The following AGK variants were observed in gnomAD, a reference collection of about 807,000 sequenced individuals.
AGK encodes the protein acylglycerol kinase, mitochondrial.
AGK carries 52 observed loss-of-function variants against 66.4 expected under a neutral mutation model. The observed-to-expected ratio is 0.78, with a 90% CI of 0.63 to 0.99. The LOEUF is 0.99. Ranked by LOEUF, AGK falls within the 50% of genes least tolerant of loss-of-function variation. The pLI, the probability that AGK is intolerant of heterozygous loss-of-function variation, is 0.00. For missense variants in AGK, 451 were observed against 506.6 expected (o/e 0.89, Z 1.05); for synonymous variants, 182 against 181.1 (o/e 1.00, Z -0.04).
At position 141,611,276 on chromosome 7, in the gene AGK, A is replaced by T; in HGVS notation, c.379A>T (p.Thr127Ser). The T allele has an allele frequency of 6.2e-7, 1 of 1,612,050 alleles. No individual in the cohort carries two copies. The highest frequency in any genetic ancestry group is 2.2e-5 in the East Asian group (1 of 44,818). ...DVIIVAGGDG[T>S]LQEVVTGVLR... Reference sequence around the variant, plus strand: ...GATCATTGTTGCAGGAGGAGATGGGACACTGCAGGAGGTATGACTGTTTTT... The same window carrying T: ...GATCATTGTTGCAGGAGGAGATGGGTCACTGCAGGAGGTATGACTGTTTTT... Residue 127 changes from threonine to serine, a missense_variant, in exon 6 of 16, where the codon ACA becomes TCA. Physicochemically the swap from Thr to Ser is moderately conservative, Grantham distance 58. Transcript: ENST00000649286.
chr7:141,651,225 A>G (rs1034485844), intron 14 of AGK, among the ~76,000 whole-genome samples: 7 of 152,244 alleles, frequency 4.6e-5, no homozygotes, highest in Non-Finnish European at 8.8e-5. Context: ...GAGACTAACA[A>G]TCTAAGAATT....
At chr7:141,641,751 C>T (rs990895588) in intron 12 of AGK, 60 bp from the exon 13 acceptor site, 64 of 1,389,638 alleles carry the variant, frequency 4.6e-5, no homozygotes, top group African/African-American at 1.6e-4. Flanking sequence ...GCTAGCCGTC[C>T]GTGGTGGGTG....
chr7:141,624,433 C>T (rs1426475397), intron 9 of AGK, among the ~76,000 whole-genome samples: 1 of 152,114 alleles, frequency 6.6e-6, no homozygotes, highest in Non-Finnish European at 1.5e-5. Flanking sequence ...CTTCTGGAAA[C>T]GATTCACCAT....
chr7:141,602,173 T>TTGTGTGTGTGTGTGTGCG (rs1554400560), intron 5 of AGK, among the ~76,000 whole-genome samples: 2 of 125,314 alleles, frequency 1.6e-5, no homozygotes, highest in Non-Finnish European at 3.4e-5. Flanking sequence ...GGAGATTTTC[T>TTGTGTGTGTGTGTGTGCG]TGTGTGTGTG....
intron 2 of AGK, among the ~76,000 whole-genome samples, chr7:141,556,026 G>A (rs751376576): frequency 6.6e-6 from 1 of 152,170 alleles, no homozygotes; most frequent in East Asian, 1.9e-4. Context: ...TACATTTTAG[G>A]GAGATATGAC....
intron 1 of AGK, among the ~76,000 whole-genome samples, chr7:141,554,373 T>G (rs1026401592): frequency 3.9e-5 from 6 of 151,976 alleles, no homozygotes; most frequent in Non-Finnish European, 8.8e-5. Flanking sequence ...TTTGTTTAAT[T>G]GTATTGGTTT....
chr7:141,624,595 A>C (rs1295712717), intron 9 of AGK, among the ~76,000 whole-genome samples: 1 of 152,194 alleles, frequency 6.6e-6, no homozygotes, highest in African/African-American at 2.4e-5. Context: ...TGTAGTAGAA[A>C]TAACAAGAGA....
chr7:141,566,467 T>C (rs1310743266), intron 2 of AGK, among the ~76,000 whole-genome samples: 2 of 152,216 alleles, frequency 1.3e-5, no homozygotes, highest in African/African-American at 4.8e-5. Context: ...TGTCTGACCA[T>C]TAGGAATTCA....
intron 4 of AGK, among the ~76,000 whole-genome samples, chr7:141,600,212 A>AT (rs879791920): frequency 7.2e-5 from 11 of 151,808 alleles, no homozygotes; most frequent in Non-Finnish European, 1.0e-4. Context: ...AAAGTACTGG[A>AT]TTTTTTTTTC....
intron 8 of AGK, among the ~76,000 whole-genome samples, chr7:141,619,418 C>T (rs996368126): frequency 1.3e-4 from 19 of 151,822 alleles, no homozygotes; most frequent in African/African-American, 4.8e-5. Context: ...AATAAGGGCA[C>T]CAAAGCCATT....
At chr7:141,640,474 A>T (rs1797263620) in intron 11 of AGK, among the ~76,000 whole-genome samples, 1 of 152,176 alleles carries the variant, frequency 6.6e-6, no homozygotes, top group Admixed American at 6.6e-5. Flanking sequence ...ACTTGAGAAC[A>T]GGGAAGCATT....
chr7:141,610,783 T>A (rs1796568335), intron 5 of AGK, among the ~76,000 whole-genome samples: 1 of 152,202 alleles, frequency 6.6e-6, no homozygotes, highest in Admixed American at 6.5e-5. Context: ...AGAGTTGAGA[T>A]TTAATCCAGG....
intron 5 of AGK, among the ~76,000 whole-genome samples, chr7:141,609,704 G>C (rs561360549): frequency 8.5e-4 from 129 of 152,324 alleles, no homozygotes; most frequent in African/African-American, 3.0e-3. Flanking sequence ...CCTCCCTGGA[G>C]GTTAGGGGTG....
chr7:141,586,209 A>C (rs1795992061), intron 2 of AGK, among the ~76,000 whole-genome samples: 1 of 152,134 alleles, frequency 6.6e-6, no homozygotes, highest in South Asian at 2.1e-4. Flanking sequence ...CTACACACCC[A>C]CACACCCTGG....
Position 141,611,176 on chromosome 7 carries a change from G to A in AGK, c.298-19G>A, listed in dbSNP as rs1796579309. On this transcript the variant is annotated intron_variant, in intron 5 of 15. Coordinates refer to ENST00000649286, the MANE Select transcript of AGK (RefSeq NM_018238.4). The stretch of plus-strand genomic sequence containing the variant: ...GCTCTAGGTTGATAAACTCACCAAA[G>A]GCTTCCTTGGTATTTCAGACAGATT... 6.3e-7 allele frequency: 1 copy of A among 1,579,054 alleles called. No homozygotes were observed. Among genetic ancestry groups the A allele is most frequent in the African/African-American group, 1.4e-5 (1 of 74,036 alleles).
At chr7:141,625,811 A>T (rs1038773438) in intron 9 of AGK, among the ~76,000 whole-genome samples, 1 of 152,058 alleles carries the variant, frequency 6.6e-6, no homozygotes, top group Non-Finnish European at 1.5e-5. Context: ...TCATCTTGCA[A>T]TCTTAGCTCT....
chr7:141,566,301 TATA>T (rs1356376660), intron 2 of AGK, among the ~76,000 whole-genome samples: 1 of 152,260 alleles, frequency 6.6e-6, no homozygotes, highest in African/African-American at 2.4e-5. Flanking sequence ...TTTCTTCTGT[TATA>T]AGACTCTACA....
intron 14 of AGK, among the ~76,000 whole-genome samples, chr7:141,649,599 G>A (rs6950019): frequency 3.7e-4 from 56 of 152,314 alleles, no homozygotes; most frequent in African/African-American, 1.2e-3. Context: ...ATGACACAGC[G>A]TCAAGAACTT....
At chr7:141,621,861 AG>A in intron 9 of AGK, 60 bp downstream of exon 9, 1 of 1,272,770 alleles carries the variant, frequency 7.9e-7, no homozygotes, top group South Asian at 1.2e-5. Flanking sequence ...TACATGTTAA[AG>A]AAAATAAAAT....
Sources: allele counts gnomAD v4.1 joint callset (sites outside exome capture counted in the v4.1 genomes callset), GRCh38; gene constraint gnomAD v4.1.1; transcripts MANE v1.5; gene names NCBI Gene and HGNC (gene_info 2026-07-23, HGNC 2026-07-21).